The following RBBP4 variants were observed in gnomAD, a reference collection of about 807,000 sequenced individuals.
The protein encoded by RBBP4 is RB binding protein 4, chromatin remodeling factor, also known as histone-binding protein RBBP4.
In RBBP4, 3 loss-of-function variants were observed where a neutral mutation model predicts 57.2. The observed-to-expected ratio is 0.05, with a 90% CI of 0.02 to 0.14. RBBP4 has a LOEUF of 0.14. Ranked by LOEUF, RBBP4 falls within the 10% of genes least tolerant of loss-of-function variation. The pLI is 1.00. For synonymous variants in RBBP4, 151 were observed against 171.5 expected (o/e 0.88, Z 0.93); for missense variants, 107 against 520.6 (o/e 0.21, Z 7.73).
intron 1 of RBBP4, 89 bp downstream of exon 1, chr1:32,651,411 A>G: frequency 7.2e-7 from 1 of 1,381,496 alleles, no homozygotes; most frequent in South Asian, 1.7e-5. Context: ...GGCAGGCCCG[A>G]GTTTGCCGAG....
intron 2 of RBBP4, among the ~76,000 whole-genome samples, chr1:32,655,552 G>A (rs1648103688): frequency 6.6e-6 from 1 of 152,126 alleles, no homozygotes; most frequent in South Asian, 2.1e-4. Flanking sequence ...AGCTTTGCCT[G>A]TGACATCTGT....
chr1:32,677,105 G>A (rs1391070462), intron 11 of RBBP4, among the ~76,000 whole-genome samples: 2 of 152,114 alleles, frequency 1.3e-5, no homozygotes, highest in African/African-American at 4.8e-5. Context: ...AAAAACACTC[G>A]GAGTTTGCAG....
chr1:32,668,529 T>C, intron 4 of RBBP4, 131 bp downstream of exon 4: 1 of 1,089,956 alleles, frequency 9.2e-7, no homozygotes, highest in African/African-American at 1.6e-5. Flanking sequence ...TGTGTATATT[T>C]TTCTTCATTT....
In RBBP4 at chr1:32,686,174, A is replaced by G. The variant is rs1263910133; in HGVS notation, c.*6469A>G. On this transcript the variant is annotated 3_prime_UTR_variant, in exon 12 of 12. Transcript: ENST00000373493. ...TATTTGATACTGATTACATGTTGAAATATATGTGTTGGGTTAAATAAAATG... is the reference window on the plus strand; with the variant it reads ...TATTTGATACTGATTACATGTTGAAGTATATGTGTTGGGTTAAATAAAATG... The G allele has an allele frequency of 3.3e-5, 5 of 152,200 alleles. No homozygotes were observed. The highest frequency in any genetic ancestry group is 1.2e-4 in the African/African-American group (5 of 41,428). 9.4% of individuals were successfully genotyped at this position (152,200 alleles called of 1,614,324 possible).
chr1:32,660,478 G>A (rs761885800), intron 3 of RBBP4, among the ~76,000 whole-genome samples: 8 of 151,250 alleles, frequency 5.3e-5, no homozygotes, highest in East Asian at 1.9e-4. Context: ...GTGCAGTGGC[G>A]CAATCTCTGC....
At chr1:32,674,518 C>A (rs56234429) in intron 11 of RBBP4, among the ~76,000 whole-genome samples, 1 of 151,396 alleles carries the variant, frequency 6.6e-6, no homozygotes, top group African/African-American at 2.4e-5. Context: ...GTGAGGCTGC[C>A]CACCCGCCCC....
chr1:32,670,800 C>G (rs1648842483), intron 8 of RBBP4, among the ~76,000 whole-genome samples: 1 of 152,142 alleles, frequency 6.6e-6, no homozygotes, highest in African/African-American at 2.4e-5. Context: ...AAGATTTTGT[C>G]AAGTGTTATG....
In RBBP4 at chr1:32,682,958, A is replaced by G. The variant is rs1649546005; in HGVS notation, c.*3253A>G. ...ATCCTGAGTAGGTGATTGGTCAGAAAGATGCCTTCAGTTTTGTCAGTGTCT... is the reference window on the plus strand; with the variant it reads ...ATCCTGAGTAGGTGATTGGTCAGAAGGATGCCTTCAGTTTTGTCAGTGTCT... On this transcript the variant is annotated 3_prime_UTR_variant, in exon 12 of 12. Coordinates refer to ENST00000373493, the MANE Select transcript of RBBP4 (RefSeq NM_005610.3). 6.6e-6 allele frequency: 1 copy of G among 152,080 alleles called. No individual in the cohort carries two copies. Among genetic ancestry groups the G allele is most frequent in the South Asian group, 2.1e-4 (1 of 4,828 alleles). The allele number at this position is 152,080 out of a possible 1,614,324, so 9.4% of individuals were successfully genotyped here.
In RBBP4 at chr1:32,682,519, TCCCAG is replaced by T. The variant is rs1488056090; in HGVS notation, c.*2816_*2820del. 1 of 152,206 alleles carries T rather than the reference TCCCAG, an allele frequency of 6.6e-6. No homozygotes were observed. Among genetic ancestry groups the T allele is most frequent in the Non-Finnish European group, 1.5e-5 (1 of 68,068 alleles). 9.4% of individuals were successfully genotyped at this position (152,206 alleles called of 1,614,324 possible). A position where few individuals can be genotyped will look rare whatever the true frequency, so the allele number is the denominator to read the frequency against. The stretch of plus-strand genomic sequence containing the variant: ...CAGGCGCGGTGGTTCACGCCTGTAA[TCCCAG>T]CACTTTGAGAGGCTGAGGCACGTGG... On this transcript the variant is annotated 3_prime_UTR_variant, in exon 12 of 12. Transcript: ENST00000373493.
At chr1:32,658,616 A>C (rs1038420263) in intron 3 of RBBP4, among the ~76,000 whole-genome samples, 6 of 147,770 alleles carry the variant, frequency 4.1e-5, no homozygotes, top group Non-Finnish European at 5.9e-5. Context: ...GCGCGATCTC[A>C]GTTCACTGCA....
Position 32,681,782 on chromosome 1 carries a change from G to C in RBBP4, c.*2077G>C. ...GTCTGGTTGGAAGAGTACATCCAAA[G>C]GGTACTTAGTGATCCTTTGCTAAGA... On this transcript the variant is annotated 3_prime_UTR_variant, in exon 12 of 12. Coordinates refer to ENST00000373493, the MANE Select transcript of RBBP4 (RefSeq NM_005610.3). 6.2e-7 allele frequency: 1 copy of C among 1,613,906 alleles called. No individual in the cohort carries two copies. The highest frequency in any genetic ancestry group is 8.5e-7 in the Non-Finnish European group (1 of 1,179,846).
At chr1:32,662,713 G>A (rs553088631) in intron 3 of RBBP4, among the ~76,000 whole-genome samples, 8 of 151,958 alleles carry the variant, frequency 5.3e-5, no homozygotes, top group South Asian at 4.2e-4. Flanking sequence ...CAGCCCAGGC[G>A]CAGTGGCTGG....
At chr1:32,654,941 C>T (rs867041627) in intron 2 of RBBP4, among the ~76,000 whole-genome samples, 2 of 152,138 alleles carry the variant, frequency 1.3e-5, no homozygotes, top group African/African-American at 4.8e-5. Flanking sequence ...GTAATCCACC[C>T]GCTTCGGCCT....
intron 3 of RBBP4, among the ~76,000 whole-genome samples, chr1:32,660,588 A>ATTT (rs4011925): frequency 0.016 from 2,380 of 144,396 alleles, 50 homozygotes; most frequent in African/African-American, 0.051. Context: ...AGATAACTTA[A>ATTT]TTTTTTTTTT....
At chr1:32,677,786 C>T (rs749791802) in intron 11 of RBBP4, among the ~76,000 whole-genome samples, 1 of 152,168 alleles carries the variant, frequency 6.6e-6, no homozygotes, top group African/African-American at 2.4e-5. Context: ...AAGCATCACA[C>T]AATTGTATGT....
rs1649398661 is a variant in RBBP4 at position 32,681,017 on chromosome 1, C to T, written c.*1312C>T. On this transcript the variant is annotated 3_prime_UTR_variant, in exon 12 of 12. Transcript: ENST00000373493. ...AACCTTTTCTCAGAGGTTTTATTTC[C>T]CCAGTATGTTTTTCACTGGGGCCTT... 6.5e-6 allele frequency: 1 copy of T among 153,538 alleles called. No individual in the cohort carries two copies. 9.5% of individuals were successfully genotyped at this position (153,538 alleles called of 1,614,324 possible). A position where few individuals can be genotyped will look rare whatever the true frequency, so the allele number is the denominator to read the frequency against.
At position 32,652,082 on chromosome 1, in the gene RBBP4, G is replaced by A. The variant is rs769892152; in HGVS notation, c.164+21G>A. On this transcript the variant is annotated intron_variant, in intron 2 of 11. Coordinates refer to ENST00000373493, the MANE Select transcript of RBBP4 (RefSeq NM_005610.3). Reference sequence around the variant, plus strand: ...ACCAGGTGACATGACTCTCCCGAACGTTATTTTGATGTATTTTCAGTGTAG... The same window carrying A: ...ACCAGGTGACATGACTCTCCCGAACATTATTTTGATGTATTTTCAGTGTAG... 1.5e-5 allele frequency: 24 copies of A among 1,597,948 alleles called. No individual in the cohort carries two copies. The South Asian group carries it at 1.6e-4, about 10-fold the overall frequency.
chr1:32,660,455 C>T (rs1487988137), intron 3 of RBBP4, among the ~76,000 whole-genome samples: 2 of 140,278 alleles, frequency 1.4e-5, no homozygotes, highest in Non-Finnish European at 3.1e-5. Flanking sequence ...CTGGCTCTGT[C>T]GCCCAGGCTG....
rs1649371538 is a variant in RBBP4 at position 32,680,541 on chromosome 1, C to A, written c.*836C>A. ...TTTTTTTTAGGAGTTAGTCCTTGAC[C>A]ACTAGTTTGATGCCATCTCCATTTT... On this transcript the variant is annotated 3_prime_UTR_variant, in exon 12 of 12. Coordinates refer to ENST00000373493, the MANE Select transcript of RBBP4 (RefSeq NM_005610.3). The A allele has an allele frequency of 1.3e-6, 2 of 1,543,856 alleles. No individual in the cohort carries two copies. Among genetic ancestry groups the A allele is most frequent in the Middle Eastern group, 1.7e-4 (1 of 6,006 alleles).
Sources: allele counts gnomAD v4.1 joint callset (sites outside exome capture counted in the v4.1 genomes callset), GRCh38; gene constraint gnomAD v4.1.1; transcripts MANE v1.5; gene names NCBI Gene and HGNC (gene_info 2026-07-23, HGNC 2026-07-21).